The following SCFD2 variants were observed in gnomAD, a reference collection of about 807,000 sequenced individuals.
The protein encoded by SCFD2 is sec1 family domain containing 2.
In SCFD2, 54 loss-of-function variants were observed where a neutral mutation model predicts 58.9. The observed-to-expected ratio is 0.92, with a 90% CI of 0.74 to 1.15. The LOEUF (loss-of-function observed/expected upper bound fraction) is 1.15. Ranked by LOEUF, SCFD2 falls within the 50% of genes most tolerant of loss-of-function variation. SCFD2 has a pLI of 0.00. For synonymous variants in SCFD2, 321 were observed against 335.9 expected, an observed-to-expected ratio of 0.96 and a Z score of 0.49; for missense variants, 805 against 836.6, an observed-to-expected ratio of 0.96 and a Z score of 0.47.
chr4:53,044,695 C>T (rs1414236723), intron 5 of SCFD2, among the ~76,000 whole-genome samples: 2 of 151,636 alleles, frequency 1.3e-5, no homozygotes, highest in African/African-American at 4.9e-5. Flanking sequence ...CCACCCCAAC[C>T]CTGTAATTCC....
intron 5 of SCFD2, among the ~76,000 whole-genome samples, chr4:53,122,417 C>T (rs1372242429): frequency 6.6e-6 from 1 of 151,906 alleles, no homozygotes; most frequent in Non-Finnish European, 1.5e-5. Context: ...TGAACCCTGA[C>T]ATGCTGACAA....
intron 4 of SCFD2, among the ~76,000 whole-genome samples, chr4:53,170,222 A>G (rs1727140227): frequency 6.6e-6 from 1 of 152,190 alleles, no homozygotes; most frequent in Non-Finnish European, 1.5e-5. Context: ...GAGATATACA[A>G]AACTGTTCAG....
At chr4:52,897,258 G>A (rs918273631) in intron 7 of SCFD2, among the ~76,000 whole-genome samples, 1 of 152,196 alleles carries the variant, frequency 6.6e-6, no homozygotes, top group Non-Finnish European at 1.5e-5. Flanking sequence ...AATGCTTCCA[G>A]TTTTTGCCCA....
Position 52,900,863 on chromosome 4 carries a change from G to A in SCFD2, c.1842+6594C>T, listed in dbSNP as rs556715986. 1.6e-4 allele frequency among the ~76,000 whole-genome samples: 25 copies of A among 152,262 alleles called. No individual in the cohort carries two copies. In the East Asian group the frequency reaches 1.7e-3, roughly 11 times the overall value. ...TGGCGGGCACCCCTCCCCCAGCCTCGCTGCCGCCTTGCAGTTTGATCTCAG... is the reference window on the plus strand; with the variant it reads ...TGGCGGGCACCCCTCCCCCAGCCTCACTGCCGCCTTGCAGTTTGATCTCAG... On this transcript the variant is annotated intron_variant, in intron 7 of 8. Coordinates refer to ENST00000401642, the MANE Select transcript of SCFD2 (RefSeq NM_152540.4).
intron 7 of SCFD2, among the ~76,000 whole-genome samples, chr4:52,895,211 T>C (rs111882450): frequency 9.9e-5 from 15 of 152,180 alleles, no homozygotes; most frequent in Non-Finnish European, 1.9e-4. Context: ...AGGATACATG[T>C]GCACAACGTA....
chr4:52,886,166 C>A (rs1300056965), intron 7 of SCFD2, among the ~76,000 whole-genome samples: 1 of 152,196 alleles, frequency 6.6e-6, no homozygotes, highest in Non-Finnish European at 1.5e-5. Context: ...CTACCCTTCC[C>A]TAATTGTTTG....
chr4:53,205,395 A>G (rs914303146), intron 4 of SCFD2, among the ~76,000 whole-genome samples: 1 of 152,150 alleles, frequency 6.6e-6, no homozygotes, highest in African/African-American at 2.4e-5. Context: ...CCAGGAAAAA[A>G]GCAAATGAAA....
intron 4 of SCFD2, among the ~76,000 whole-genome samples, chr4:53,269,443 CA>C (rs1270887999): frequency 1.1e-4 from 16 of 152,112 alleles, no homozygotes; most frequent in African/African-American, 3.9e-4. Context: ...GGTAAATTCA[CA>C]ATCATTGTGA....
chr4:53,233,838 A>G (rs968741881), intron 4 of SCFD2, among the ~76,000 whole-genome samples: 2 of 152,238 alleles, frequency 1.3e-5, no homozygotes. Context: ...CTTATGGAGA[A>G]ATGTGTAGGT....
intron 5 of SCFD2, among the ~76,000 whole-genome samples, chr4:52,928,896 G>A (rs1291345768): frequency 7.2e-6 from 1 of 139,332 alleles, no homozygotes; most frequent in African/African-American, 2.9e-5. Context: ...GAAAAAAATA[G>A]TTAAATCAGA....
chr4:52,947,107 T>C (rs116691533), intron 5 of SCFD2, among the ~76,000 whole-genome samples: 26 of 152,282 alleles, frequency 1.7e-4, no homozygotes, highest in African/African-American at 6.3e-4. Flanking sequence ...TAATTACATA[T>C]ATTTGATCAC....
chr4:53,028,475 T>C (rs1186192549), intron 5 of SCFD2, among the ~76,000 whole-genome samples: 3 of 152,238 alleles, frequency 2.0e-5, no homozygotes, highest in Middle Eastern at 3.2e-3. Context: ...CATGGATATA[T>C]GTTCTCTGTT....
chr4:53,312,360 A>G (rs1274490637), intron 3 of SCFD2, among the ~76,000 whole-genome samples: 3 of 152,178 alleles, frequency 2.0e-5, no homozygotes, highest in Non-Finnish European at 2.9e-5. Flanking sequence ...CAGTCCTACC[A>G]CTTATCAGAT....
At chr4:53,156,725 C>T (rs1247089909) in intron 4 of SCFD2, among the ~76,000 whole-genome samples, 11 of 152,178 alleles carry the variant, frequency 7.2e-5, no homozygotes, top group South Asian at 6.2e-4. Context: ...CATGACAAAG[C>T]GGTCAAACTT....
chr4:53,238,008 T>TC (rs1729717935), intron 4 of SCFD2, among the ~76,000 whole-genome samples: 1 of 83,684 alleles, frequency 1.2e-5, no homozygotes, highest in Non-Finnish European at 2.3e-5. Context: ...AGGGGGCTGA[T>TC]CCCCCCACCT....
intron 5 of SCFD2, chr4:52,945,761 G>A (rs139406001): frequency 2.6e-5 from 4 of 152,186 alleles, no homozygotes; most frequent in Admixed American, 6.6e-5. Context: ...GAAAAATAAC[G>A]TAAGTTTCAA....
At chr4:52,949,183 A>G (rs531632943) in intron 5 of SCFD2, 1 of 152,344 alleles carries the variant, frequency 6.6e-6, no homozygotes, top group South Asian at 2.1e-4. Flanking sequence ...CACATATTTT[A>G]CATTTCATTC....
intron 4 of SCFD2, among the ~76,000 whole-genome samples, chr4:53,152,471 A>C (rs1221653485): frequency 6.6e-6 from 1 of 152,250 alleles, no homozygotes; most frequent in African/African-American, 2.4e-5. Flanking sequence ...AAACACTATT[A>C]AAACCTGTTT....
chr4:52,887,896 C>CTT (rs71195133), intron 7 of SCFD2, among the ~76,000 whole-genome samples: 3,760 of 81,754 alleles, frequency 0.046, 217 homozygotes, highest in African/African-American at 0.11. Flanking sequence ...ACATCTTATT[C>CTT]TTTTTTTTTT....
Sources: gnomAD v4.1 joint callset for allele counts (sites outside exome capture counted in the v4.1 genomes callset) on GRCh38, gnomAD v4.1.1 for gene constraint, MANE v1.5 for transcripts, NCBI Gene and HGNC (gene_info 2026-07-23, HGNC 2026-07-21) for gene names.